Variants in ROS1 observed in about 807,000 individuals in gnomAD.
ROS1 encodes the protein proto-oncogene tyrosine-protein kinase ROS.
A neutral mutation model predicts 273.5 loss-of-function variants in ROS1; 263 were observed. That is an observed-to-expected ratio of 0.96 (90% CI 0.87 to 1.06). The LOEUF (loss-of-function observed/expected upper bound fraction) is 1.06. ROS1 is among the 50% of genes least tolerant of loss of function. ROS1 has a pLI of 0.00. For synonymous variants in ROS1, 1,008 were observed against 954.1 expected (o/e 1.06, Z -1.04); for missense variants, 2,833 against 2,751.1 (o/e 1.03, Z -0.67).
At chr6:117,341,095 A>C in intron 31 of ROS1, 40 bp downstream of exon 31, 1 of 1,384,226 alleles carries the variant, frequency 7.2e-7, no homozygotes, top group Non-Finnish European at 1.0e-6. Flanking sequence ...TTTCCAATTT[A>C]TTCTATATCA....
In ROS1 at chr6:117,341,572, G is replaced by C. The variant is rs1404812280; in HGVS notation, c.4712C>G (p.Ser1571Cys). 6.2e-7 allele frequency: 1 copy of C among 1,613,774 alleles called. No homozygotes were observed. The highest frequency in any genetic ancestry group is 1.3e-5 in the African/African-American group (1 of 75,006). The change falls in exon 30 of 44, where the codon TCT (serine) becomes TGT (cysteine). Residue 1571 changes from serine to cysteine, a missense_variant. Physicochemically the swap from Ser to Cys is moderately radical, Grantham distance 112 (BLOSUM62 -1). Coordinates refer to ENST00000368507, the MANE Select transcript of ROS1 (RefSeq NM_001378902.1). ...ATTTGGCTTGTGAGATTCTCTCCAA[G>C]ATATAATGAGGCTGGTGTCTGACCG... ...TVRSDTSLII[S>C]WRESHKPNGP...
chr6:117,357,895 C>T lies in ROS1; in HGVS notation c.3748G>A (p.Asp1250Asn). ...SQNGMQVFDV[D>N]LEHKVKYPRE... ...GGATATTTCACCTTGTGTTCAAGAT[C>T]AACATCAAATACTTGCATTCCATTT... Residue 1250 changes from aspartate (D) to asparagine (N), a missense_variant, in exon 25 of 44, where the codon GAT becomes AAT. Asp to Asn is a conservative substitution (Grantham distance 23). Coordinates refer to ENST00000368507, the MANE Select transcript of ROS1 (RefSeq NM_001378902.1). 6.2e-7 allele frequency: 1 copy of T among 1,613,578 alleles called. No individual in the cohort carries two copies. The highest frequency in any genetic ancestry group is 8.5e-7 in the Non-Finnish European group (1 of 1,179,658).
In ROS1 at chr6:117,356,826, G is replaced by A; in HGVS notation, c.3929C>T (p.Pro1310Leu). 1 of 1,614,114 alleles carries A rather than the reference G, an allele frequency of 6.2e-7. No homozygotes were observed. Among genetic ancestry groups the A allele is most frequent in the Non-Finnish European group, 8.5e-7 (1 of 1,180,018 alleles). ...TTTGTTTTGTTGGTTTGTAGCTGTG[G>A]GTTGCAGAATTCGGTGCAAGGTGTG... is the stretch of plus-strand genomic sequence containing the variant. ...ISHTLHRILQ[P>L]TATNQQNKRN... Residue 1310 changes from proline (P) to leucine (L), a missense_variant, in exon 26 of 44, where the codon CCC becomes CTC. Coordinates refer to ENST00000368507, the MANE Select transcript of ROS1 (RefSeq NM_001378902.1).
chr6:117,409,664 A>G, intron 4 of ROS1, 22 bp from the exon 5 acceptor site: 1 of 1,608,416 alleles, frequency 6.2e-7, no homozygotes, highest in Non-Finnish European at 8.5e-7. Flanking sequence ...AGGGAGCATG[A>G]CAGTCAGGGC....
Position 117,414,513 on chromosome 6 carries a change from A to G in ROS1, c.255+6T>C. On this transcript the variant is annotated splice_donor_region_variant and intron_variant, in intron 4 of 43. Transcript: ENST00000368507. Reference sequence around the variant, plus strand: ...GATTACATCTTTTTTGTGATTGCCAACTCACCTCACAAACGGTGGCATAAG... The same window carrying G: ...GATTACATCTTTTTTGTGATTGCCAGCTCACCTCACAAACGGTGGCATAAG... 1.3e-6 allele frequency: 1 copy of G among 742,128 alleles called. No individual in the cohort carries two copies. The highest frequency in any genetic ancestry group is 2.4e-6 in the Non-Finnish European group (1 of 408,550). The allele number at this position is 742,128 out of a possible 1,614,324, so 46.0% of individuals were successfully genotyped here.
At chr6:117,346,543 G>T (rs531934686) in intron 27 of ROS1, among the ~76,000 whole-genome samples, 1 of 151,460 alleles carries the variant, frequency 6.6e-6, no homozygotes, top group South Asian at 2.1e-4. Context: ...TGTGTGTGTC[G>T]TTCAACTTCA....
chr6:117,375,450 T>A (rs2128678374), intron 18 of ROS1, among the ~76,000 whole-genome samples: 1 of 152,242 alleles, frequency 6.6e-6, no homozygotes, highest in South Asian at 2.1e-4. Flanking sequence ...ATTAAATAAA[T>A]TTTTTAAAAA....
At chr6:117,414,614 G>A (rs965212627) in intron 3 of ROS1, 69 bp from the exon 4 acceptor site, 3 of 661,650 alleles carry the variant, frequency 4.5e-6, no homozygotes, top group Non-Finnish European at 8.0e-6. Context: ...ACACTGAGCT[G>A]TACAATCATT....
rs144366174 is a variant in ROS1, at chr6:117,400,732, C to A, written c.604+2407G>T. ...TGCTGTCCCTCTTCTTCTTCCCAGCCACCAAATATTAAGGGCCCTTGGGCT... is the reference window on the plus strand; with the variant it reads ...TGCTGTCCCTCTTCTTCTTCCCAGCAACCAAATATTAAGGGCCCTTGGGCT... On this transcript the variant is annotated intron_variant, in intron 7 of 43. Transcript: ENST00000368507. Among the ~76,000 whole-genome samples the A allele has an allele frequency of 6.2e-3, 938 of 152,300 alleles. 3 individuals carry two copies. The highest frequency in any genetic ancestry group is 9.0e-3 in the Non-Finnish European group (610 of 68,030).
intron 27 of ROS1, among the ~76,000 whole-genome samples, chr6:117,346,809 G>A (rs1049181966): frequency 6.6e-6 from 1 of 152,054 alleles, no homozygotes; most frequent in African/African-American, 2.4e-5. Flanking sequence ...CATTTTACGG[G>A]TTTGGACAAA....
intron 7 of ROS1, among the ~76,000 whole-genome samples, chr6:117,398,381 C>T (rs1479794748): frequency 1.3e-5 from 2 of 152,140 alleles, no homozygotes; most frequent in African/African-American, 2.4e-5. Flanking sequence ...AGTTAAAAGG[C>T]AATAGCACCA....
In ROS1 at chr6:117,358,914, C is replaced by T. The variant is rs969453375; in HGVS notation, c.3633+895G>A. On this transcript the variant is annotated intron_variant, in intron 24 of 43. Coordinates refer to ENST00000368507, the MANE Select transcript of ROS1 (RefSeq NM_001378902.1). ...CCTCTCTAAGTCACTATTCACACTG[C>T]TAACAGACAGGCCTTTCTAAAACAC... Among the ~76,000 whole-genome samples, 51 of 152,302 alleles carry T rather than the reference C, an allele frequency of 3.3e-4. 1 individual carries two copies. Among genetic ancestry groups the T allele is most frequent in the African/African-American group, 1.1e-3 (47 of 41,562 alleles).
chr6:117,335,949 T>G (rs1033723831), intron 32 of ROS1, among the ~76,000 whole-genome samples: 5 of 152,018 alleles, frequency 3.3e-5, no homozygotes, highest in African/African-American at 7.2e-5. Context: ...ATGTATCTTA[T>G]TTTTTAAGAA....
chr6:117,421,549 G>C (rs1775759505), intron 1 of ROS1, among the ~76,000 whole-genome samples: 1 of 152,042 alleles, frequency 6.6e-6, no homozygotes, highest in Non-Finnish European at 1.5e-5. Flanking sequence ...GGCCTCCATA[G>C]AATAATGGCC....
At chr6:117,315,241 T>C (rs895578658) in intron 39 of ROS1, among the ~76,000 whole-genome samples, 1 of 151,532 alleles carries the variant, frequency 6.6e-6, no homozygotes, top group Admixed American at 6.6e-5. Context: ...AGCTAGAAAA[T>C]AGGAGAGAGC....
At chr6:117,377,615 A>G (rs1232166752) in intron 18 of ROS1, among the ~76,000 whole-genome samples, 1 of 152,244 alleles carries the variant, frequency 6.6e-6, no homozygotes, top group Admixed American at 6.5e-5. Context: ...TTCTAGAAAA[A>G]ATGGAGTATA....
chr6:117,380,419 G>C (rs1437233886), intron 17 of ROS1, among the ~76,000 whole-genome samples: 1 of 151,864 alleles, frequency 6.6e-6, no homozygotes, highest in South Asian at 2.1e-4. Context: ...TTCTCCAGAA[G>C]GTAAAAATGT....
chr6:117,388,408 T>C (rs1665178059), intron 13 of ROS1, among the ~76,000 whole-genome samples: 1 of 152,314 alleles, frequency 6.6e-6, no homozygotes, highest in East Asian at 1.9e-4. Context: ...AAATTACCTA[T>C]TCATTTTCAG....
intron 42 of ROS1, among the ~76,000 whole-genome samples, 196 bp downstream of exon 42, chr6:117,308,595 TATC>T (rs764655859): frequency 5.4e-4 from 82 of 152,284 alleles, no homozygotes; most frequent in Middle Eastern, 3.4e-3. Context: ...CTCAGTGAAA[TATC>T]ATGTGTATAT....
Sources: gnomAD v4.1 joint callset for allele counts (sites outside exome capture counted in the v4.1 genomes callset) on GRCh38, gnomAD v4.1.1 for gene constraint, MANE v1.5 for transcripts, NCBI Gene and HGNC (gene_info 2026-07-23, HGNC 2026-07-21) for gene names.